Variants in SPIDR observed in about 807,000 individuals in gnomAD.
SPIDR encodes DNA repair-scaffolding protein.
A neutral mutation model predicts 104.6 loss-of-function variants in SPIDR; 93 were observed. The ratio of observed to expected loss-of-function variants is 0.89; its 90% CI spans 0.75 to 1.06. The LOEUF (loss-of-function observed/expected upper bound fraction) is 1.06. SPIDR is among the 50% of genes least tolerant of loss of function. The pLI, the probability that SPIDR is intolerant of heterozygous loss-of-function variation, is 0.00. For missense variants in SPIDR, 1,154 were observed against 1,111.2 expected (o/e 1.04, Z -0.55); for synonymous variants, 431 against 416.9 (o/e 1.03, Z -0.41).
intron 8 of SPIDR, among the ~76,000 whole-genome samples, chr8:47,468,198 G>A (rs569695397): frequency 9.9e-5 from 15 of 152,054 alleles, no homozygotes; most frequent in Admixed American, 5.9e-4. Flanking sequence ...TAAAGAAATC[G>A]GAGATGACAC....
intron 8 of SPIDR, among the ~76,000 whole-genome samples, chr8:47,485,290 G>T (rs1554730213): frequency 6.6e-6 from 1 of 152,234 alleles, no homozygotes; most frequent in African/African-American, 2.4e-5. Context: ...CTGCAAGGCG[G>T]CAGCGAGGCT....
At chr8:47,265,871 C>A (rs1586030089) in intron 1 of SPIDR, among the ~76,000 whole-genome samples, 1 of 152,204 alleles carries the variant, frequency 6.6e-6, no homozygotes, top group Middle Eastern at 3.4e-3. Flanking sequence ...CATATTCTTA[C>A]CATGTCTTTA....
chr8:47,713,632 A>T lies in SPIDR; in HGVS notation c.2332A>T (p.Ser778Cys), dbSNP rs2082173428. The change falls in exon 16 of 20, where the codon AGT becomes TGT. Residue 778 changes from serine (S) to cysteine (C), a missense_variant. Transcript: ENST00000297423. ...DSATPVNSICSVQGTVVGVDE... is the reference protein window; with the variant it reads ...DSATPVNSICCVQGTVVGVDE... The stretch of plus-strand genomic sequence containing the variant: ...TGCAACACCTGTCAACTCCATCTGC[A>T]GTGTTCAAGGTAGGCAGCCATCTCA... 3 of 1,614,010 alleles carry T rather than the reference A, an allele frequency of 1.9e-6. No individual in the cohort carries two copies. The highest frequency in any genetic ancestry group is 1.7e-4 in the Middle Eastern group (1 of 6,044).
At chr8:47,682,822 A>G (rs2077273448) in intron 11 of SPIDR, among the ~76,000 whole-genome samples, 2 of 152,314 alleles carry the variant, frequency 1.3e-5, no homozygotes, top group South Asian at 4.1e-4. Flanking sequence ...GGATTTGTTT[A>G]TTAAAATGGG....
intron 10 of SPIDR, among the ~76,000 whole-genome samples, chr8:47,636,829 AAAG>A (rs1310394387): frequency 1.3e-5 from 2 of 152,034 alleles, no homozygotes; most frequent in African/African-American, 4.8e-5. Flanking sequence ...AAAAAAAAAA[AAAG>A]AGATTGTCTA....
chr8:47,345,894 T>C (rs2051883198), intron 5 of SPIDR, among the ~76,000 whole-genome samples: 1 of 152,224 alleles, frequency 6.6e-6, no homozygotes, highest in East Asian at 1.9e-4. Flanking sequence ...AAATATACAA[T>C]GATGTCATCT....
chr8:47,560,135 T>C (rs1283330944), intron 8 of SPIDR, among the ~76,000 whole-genome samples: 2 of 152,230 alleles, frequency 1.3e-5, no homozygotes, highest in Non-Finnish European at 2.9e-5. Context: ...TTCCCTGATA[T>C]TAACTCTTTG....
At chr8:47,471,847 A>G (rs2075757025) in intron 8 of SPIDR, among the ~76,000 whole-genome samples, 1 of 152,224 alleles carries the variant, frequency 6.6e-6, no homozygotes, top group Non-Finnish European at 1.5e-5. Flanking sequence ...TTTACAATTT[A>G]TAATAAAATA....
chr8:47,434,097 A>G (rs948770894), intron 7 of SPIDR, among the ~76,000 whole-genome samples: 9 of 152,246 alleles, frequency 5.9e-5, no homozygotes, highest in Non-Finnish European at 8.8e-5. Flanking sequence ...TATTTCAAAA[A>G]TAGTAAAATG....
chr8:47,426,591 G>A (rs1294051166), intron 7 of SPIDR, among the ~76,000 whole-genome samples: 1 of 152,138 alleles, frequency 6.6e-6, no homozygotes, highest in Non-Finnish European at 1.5e-5. Context: ...TTTTACACTT[G>A]AAGATGTTTT....
chr8:47,316,722 G>C lies in SPIDR; in HGVS notation c.525+22692G>C, dbSNP rs587730673. Among the ~76,000 whole-genome samples, 34 of 152,310 alleles carry C rather than the reference G, an allele frequency of 2.2e-4. 1 individual carries two copies. In the South Asian group the frequency reaches 5.4e-3, roughly 24 times the overall value. On this transcript the variant is annotated intron_variant, in intron 5 of 19. Transcript: ENST00000297423. ...TGGGGATTAATTGCGAAAAGTCTTA[G>C]AGGAACTTGCTGGGTGATAGGAAGT...
chr8:47,433,008 A>G (rs1418391501), intron 7 of SPIDR, among the ~76,000 whole-genome samples: 1 of 152,206 alleles, frequency 6.6e-6, no homozygotes, highest in African/African-American at 2.4e-5. Context: ...TCTTGATACC[A>G]GTATTCTCAT....
At chr8:47,456,269 T>C (rs1259541442) in intron 8 of SPIDR, among the ~76,000 whole-genome samples, 14 of 152,100 alleles carry the variant, frequency 9.2e-5, no homozygotes, top group African/African-American at 3.1e-4. Flanking sequence ...TGTATGCACC[T>C]AGAGAAAGTG....
intron 7 of SPIDR, among the ~76,000 whole-genome samples, chr8:47,422,969 A>T (rs1385915361): frequency 6.6e-6 from 1 of 152,086 alleles, no homozygotes; most frequent in Non-Finnish European, 1.5e-5. Context: ...ATATCTCAAG[A>T]TTCTTTGTGA....
intron 5 of SPIDR, chr8:47,357,815 G>T: frequency 1.0e-6 from 1 of 980,590 alleles, no homozygotes; most frequent in African/African-American, 1.7e-5. Context: ...GATATAAGGA[G>T]AAAGGAAAGG....
chr8:47,319,903 G>T (rs200561284), intron 5 of SPIDR, among the ~76,000 whole-genome samples: 1 of 151,840 alleles, frequency 6.6e-6, no homozygotes, highest in South Asian at 2.1e-4. Context: ...ACCAACGAGA[G>T]CAAAGACACA....
intron 10 of SPIDR, among the ~76,000 whole-genome samples, chr8:47,649,393 C>T (rs1290762640): frequency 1.3e-5 from 2 of 152,076 alleles, no homozygotes; most frequent in Non-Finnish European, 2.9e-5. Flanking sequence ...GTACAGAATA[C>T]CTGAACTGTT....
At chr8:47,302,794 A>G (rs1294340457) in intron 5 of SPIDR, among the ~76,000 whole-genome samples, 4 of 152,112 alleles carry the variant, frequency 2.6e-5, no homozygotes, top group African/African-American at 7.2e-5. Flanking sequence ...CTGCCTGATC[A>G]TTCCTCTGGA....
intron 11 of SPIDR, among the ~76,000 whole-genome samples, chr8:47,683,382 G>A (rs572318773): frequency 6.6e-6 from 1 of 152,288 alleles, no homozygotes; most frequent in East Asian, 1.9e-4. Context: ...TTGCTGTAGT[G>A]GGTGAACATC....
Sources: gnomAD v4.1 joint callset for allele counts (sites outside exome capture counted in the v4.1 genomes callset) on GRCh38, gnomAD v4.1.1 for gene constraint, MANE v1.5 for transcripts, NCBI Gene and HGNC (gene_info 2026-07-23, HGNC 2026-07-21) for gene names.